Variants in EXPH5 observed in about 807,000 individuals in gnomAD.
The protein encoded by EXPH5 is exophilin 5.
EXPH5 carries 42 observed loss-of-function variants against 41.1 expected under a neutral mutation model. That is an observed-to-expected ratio of 1.02 (90% CI 0.80 to 1.32). EXPH5 has a LOEUF of 1.32. Among genes scored for constraint, EXPH5 ranks in the 40% most tolerant of loss-of-function variants. The pLI is 0.00. For missense variants in EXPH5, 2,298 were observed against 2,314.5 expected (o/e 0.99, Z 0.15); for synonymous variants, 798 against 833.5 (o/e 0.96, Z 0.73).
intron 1 of EXPH5, among the ~76,000 whole-genome samples, chr11:108,559,275 C>T (rs1350804440): frequency 1.8e-4 from 27 of 152,194 alleles, no homozygotes; most frequent in Admixed American, 1.8e-3. Context: ...TAGATTTTAG[C>T]TTTTGCGTCC....
chr11:108,568,691 C>T lies in EXPH5; in HGVS notation c.119+24727G>A, dbSNP rs79223579. ...AGTATAGAGTCCACTTGGACCCACT[C>T]GTTTCAGCAGTAGGTCAAATGCCAT... On this transcript the variant is annotated intron_variant, in intron 1 of 5. Coordinates refer to ENST00000265843, the MANE Select transcript of EXPH5 (RefSeq NM_015065.3). Among the ~76,000 whole-genome samples the T allele has an allele frequency of 5.3e-3, 811 of 152,298 alleles. 14 individuals are homozygous for T. Among genetic ancestry groups the T allele is most frequent in the African/African-American group, 0.017 (725 of 41,550 alleles).
At chr11:108,562,941 T>C (rs1330700797) in intron 1 of EXPH5, among the ~76,000 whole-genome samples, 1 of 152,258 alleles carries the variant, frequency 6.6e-6, no homozygotes, top group African/African-American at 2.4e-5. Context: ...GACTCAGTTT[T>C]AGCTAAAGCA....
chr11:108,513,336 C>T lies in EXPH5; in HGVS notation c.2171G>A (p.Gly724Asp), dbSNP rs1383584140. The change falls in exon 6 of 6, where the codon GGT becomes GAT. Residue 724 changes from glycine to aspartate, a missense_variant. Physicochemically the swap from Gly to Asp is moderately conservative, Grantham distance 94 (BLOSUM62 -1). Coordinates refer to ENST00000265843, the MANE Select transcript of EXPH5 (RefSeq NM_015065.3). The part of the protein sequence containing the change: ...LSKMDQTNKA[G>D]EIPQPVSQTG... ...CTGTGAAACAGGTTGGGGTATTTCA[C>T]CTGCCTTGTTTGTCTGGTCCATCTT... 4 of 1,613,950 alleles carry T rather than the reference C, an allele frequency of 2.5e-6. No individual in the cohort carries two copies. Among genetic ancestry groups the T allele is most frequent in the Non-Finnish European group, 2.5e-6 (3 of 1,179,958 alleles).
upstream of EXPH5, among the ~76,000 whole-genome samples, chr11:108,595,609 G>C (rs907968845): frequency 3.3e-5 from 5 of 152,162 alleles, no homozygotes; most frequent in Non-Finnish European, 5.9e-5. Flanking sequence ...CTCCACAGGG[G>C]TAAAATCTTC....
chr11:108,587,797 A>C (rs2094117827), intron 1 of EXPH5, among the ~76,000 whole-genome samples: 1 of 152,170 alleles, frequency 6.6e-6, no homozygotes, highest in Non-Finnish European at 1.5e-5. Context: ...TTGTTACCCA[A>C]GCTGGAGTAC....
intron 1 of EXPH5, among the ~76,000 whole-genome samples, chr11:108,585,197 G>A (rs1376110438): frequency 6.6e-6 from 1 of 152,060 alleles, no homozygotes; most frequent in Non-Finnish European, 1.5e-5. Context: ...GAAACATGAG[G>A]AGATACCTCT....
chr11:108,515,545 C>T (rs941594473), intron 5 of EXPH5, among the ~76,000 whole-genome samples: 3 of 150,046 alleles, frequency 2.0e-5, no homozygotes, highest in Non-Finnish European at 1.5e-5. Flanking sequence ...TATAAAACAG[C>T]ACTTTCTATG....
At chr11:108,524,801 T>A (rs759339406) in intron 4 of EXPH5, among the ~76,000 whole-genome samples, 2 of 152,246 alleles carry the variant, frequency 1.3e-5, no homozygotes, top group Non-Finnish European at 2.9e-5. Flanking sequence ...GCACAGGTCA[T>A]ATCCACCAAT....
In EXPH5 at chr11:108,507,063, T is replaced by C. The variant is rs574061155; in HGVS notation, c.*2474A>G. ...AGGAAAGGCAGAATTTACAAACATA[T>C]ATTAACCAAGAAATAGTGTTATTTA... On this transcript the variant is annotated 3_prime_UTR_variant, in exon 6 of 6. Transcript: ENST00000265843. 5 of 152,232 alleles carry C rather than the reference T, an allele frequency of 3.3e-5. No individual in the cohort carries two copies. The East Asian group carries it at 9.6e-4, about 29-fold the overall frequency. 9.4% of individuals were successfully genotyped at this position (152,232 alleles called of 1,614,324 possible).
chr11:108,515,189 T>G (rs2093716508), intron 5 of EXPH5, among the ~76,000 whole-genome samples: 1 of 152,050 alleles, frequency 6.6e-6, no homozygotes, highest in Admixed American at 6.6e-5. Flanking sequence ...GCATCTAAAG[T>G]GTATTGAGTT....
chr11:108,533,722 A>T (rs896536350), intron 3 of EXPH5, among the ~76,000 whole-genome samples: 4 of 152,076 alleles, frequency 2.6e-5, no homozygotes, highest in African/African-American at 9.7e-5. Flanking sequence ...GCATTGTAGG[A>T]TGTTTAGCAG....
chr11:108,584,498 A>C (rs901637262), intron 1 of EXPH5, among the ~76,000 whole-genome samples: 1 of 152,024 alleles, frequency 6.6e-6, no homozygotes, highest in African/African-American at 2.4e-5. Context: ...AAAGGGAGGA[A>C]GCATACTACT....
intron 1 of EXPH5, among the ~76,000 whole-genome samples, chr11:108,575,553 A>G (rs972624237): frequency 1.3e-5 from 2 of 152,382 alleles, no homozygotes; most frequent in Middle Eastern, 3.4e-3. Context: ...TATAGAATAT[A>G]TGCAGTAGAA....
intron 1 of EXPH5, among the ~76,000 whole-genome samples, chr11:108,571,630 G>A (rs1293530587): frequency 1.3e-5 from 2 of 152,154 alleles, no homozygotes; most frequent in Non-Finnish European, 2.9e-5. Flanking sequence ...GGGCAAACTC[G>A]AGTGCAAATG....
At chr11:108,544,506 G>A (rs919317857) in intron 1 of EXPH5, among the ~76,000 whole-genome samples, 10 of 152,248 alleles carry the variant, frequency 6.6e-5, no homozygotes, top group East Asian at 5.8e-4. Flanking sequence ...TCACTTAATC[G>A]TACCTCAAGC....
In EXPH5 at chr11:108,514,334, T is replaced by C. The variant is rs2093707224; in HGVS notation, c.1173A>G (p.Ala391=). The change falls in exon 6 of 6, where the codon GCA becomes GCG. Residue 391 remains alanine (A), a synonymous_variant. Transcript: ENST00000265843. ...CGGGATCAATTTCCATTGGTGATGG[T>C]GCCCTCAGGAACTCTTCCTGGTTCT... ...DRENQEEFLR[A]PSPMEIDPAD... The C allele has an allele frequency of 6.2e-7, 1 of 1,613,220 alleles. No individual in the cohort carries two copies. Among genetic ancestry groups the C allele is most frequent in the Admixed American group, 1.7e-5 (1 of 59,964 alleles).
chr11:108,519,109 T>G (rs1449086066), intron 4 of EXPH5, among the ~76,000 whole-genome samples: 2 of 152,200 alleles, frequency 1.3e-5, no homozygotes, highest in African/African-American at 2.4e-5. Flanking sequence ...AAACTTGCTT[T>G]CACTTTACGG....
chr11:108,601,967 T>C, the EXPH5 span, among the ~76,000 whole-genome samples: 1 of 152,122 alleles, frequency 6.6e-6, no homozygotes, highest in East Asian at 1.9e-4. Flanking sequence ...CAGGCTGGTC[T>C]CGAACTCCTG....
rs1350315459 is a variant in EXPH5 at position 108,510,893 on chromosome 11, TC to T, written c.4613del (p.Arg1538LysfsTer12). 1 of 1,614,256 alleles carries T rather than the reference TC, an allele frequency of 6.2e-7. No homozygotes were observed. The highest frequency in any genetic ancestry group is 1.3e-5 in the African/African-American group (1 of 75,074). On this transcript the variant is annotated frameshift_variant, in exon 6 of 6. Transcript: ENST00000265843. LOFTEE classifies it low-confidence loss of function (END_TRUNC). The part of the protein sequence containing the change: ...PNLESLQSEP[R>X]ELPQRSQEAN... ...CCTCCTGACTTCTTTGAGGTAATTC[TC>T]TTGGTTCAGACTGCAGACTCTCTAA...
Sources: allele counts gnomAD v4.1 joint callset (sites outside exome capture counted in the v4.1 genomes callset), GRCh38; gene constraint gnomAD v4.1.1; transcripts MANE v1.5; gene names NCBI Gene and HGNC (gene_info 2026-07-23, HGNC 2026-07-21).